GRID2: variants seen among roughly 807,000 people sequenced by gnomAD.
The protein encoded by GRID2 is glutamate receptor ionotropic, delta-2.
In GRID2, 33 loss-of-function variants were observed where a neutral mutation model predicts 114.8. The observed-to-expected ratio is 0.29, with a 90% CI of 0.22 to 0.38. The LOEUF is 0.38. Ranked by LOEUF, GRID2 falls within the 10% of genes least tolerant of loss-of-function variation. The pLI is 1.00. For synonymous variants in GRID2, 505 were observed against 449.9 expected, an observed-to-expected ratio of 1.12 and a Z score of -1.55; for missense variants, 1,184 against 1,257.7, an observed-to-expected ratio of 0.94 and a Z score of 0.89.
intron 1 of GRID2, among the ~76,000 whole-genome samples, chr4:92,557,662 A>T (rs979334528): frequency 9.2e-6 from 1 of 109,154 alleles, no homozygotes; most frequent in Non-Finnish European, 2.1e-5. Context: ...TATATATATA[A>T]CCAAACTGTC....
intron 8 of GRID2, among the ~76,000 whole-genome samples, chr4:93,300,435 A>T (rs780731635): frequency 1.3e-5 from 2 of 152,172 alleles, no homozygotes. Context: ...CTTTCATACT[A>T]GCAGTGTTAA....
chr4:92,542,688 C>G (rs1267602934), intron 1 of GRID2, among the ~76,000 whole-genome samples: 1 of 151,502 alleles, frequency 6.6e-6, no homozygotes, highest in Non-Finnish European at 1.5e-5. Context: ...GGTACACTGC[C>G]CAGGTGATGG....
At chr4:92,609,923 A>T (rs968258716) in intron 2 of GRID2, among the ~76,000 whole-genome samples, 6 of 151,750 alleles carry the variant, frequency 4.0e-5, no homozygotes, top group African/African-American at 1.4e-4. Flanking sequence ...TCTCTTTACT[A>T]TTGAAAATGT....
At chr4:92,314,324 A>G (rs1025252512) in intron 1 of GRID2, among the ~76,000 whole-genome samples, 4 of 152,154 alleles carry the variant, frequency 2.6e-5, no homozygotes, top group African/African-American at 7.2e-5. Flanking sequence ...TAATGTACTA[A>G]TTCCAGGAAC....
At chr4:92,775,151 T>A (rs1162091740) in intron 2 of GRID2, among the ~76,000 whole-genome samples, 1 of 152,120 alleles carries the variant, frequency 6.6e-6, no homozygotes, top group African/African-American at 2.4e-5. Context: ...AGTGTTACCT[T>A]CATTTTCTTC....
intron 13 of GRID2, among the ~76,000 whole-genome samples, chr4:93,591,835 T>C (rs1392177581): frequency 2.6e-5 from 4 of 152,222 alleles, no homozygotes; most frequent in Non-Finnish European, 4.4e-5. Flanking sequence ...TTTTTTAGTT[T>C]ATTTGCGTAG....
In GRID2 at chr4:92,588,678, C is replaced by CAAAAAAAA. The variant is rs1209254541; in HGVS notation, c.89-1435_89-1428dup. Among the ~76,000 whole-genome samples the CAAAAAAAA allele has an allele frequency of 2.1e-3, 145 of 70,286 alleles. 2 individuals are homozygous for CAAAAAAAA. The highest frequency in any genetic ancestry group is 0.01 in the Middle Eastern group (1 of 100). 46.1% of individuals were successfully genotyped at this position (70,286 alleles called of 152,430 possible). A position where few individuals can be genotyped will look rare whatever the true frequency, so the allele number is the denominator to read the frequency against. ...TGGGCAACAGAGTGAGACTCCGTCT[C>CAAAAAAAA]AAAAAAAAAAAAAAAAAAAAAAAAA... On this transcript the variant is annotated intron_variant, in intron 1 of 15. Transcript: ENST00000282020.
chr4:92,698,442 A>G (rs1296849954), intron 2 of GRID2, among the ~76,000 whole-genome samples: 3 of 152,098 alleles, frequency 2.0e-5, no homozygotes, highest in Non-Finnish European at 2.9e-5. Context: ...GTCACTATTA[A>G]TAACCCACTA....
At chr4:92,935,155 T>C (rs1044920506) in intron 2 of GRID2, among the ~76,000 whole-genome samples, 1 of 146,214 alleles carries the variant, frequency 6.8e-6, no homozygotes, top group African/African-American at 2.4e-5. Context: ...AAAGGGCTAA[T>C]ATCCAGAATC....
chr4:92,321,161 A>G (rs906898225), intron 1 of GRID2, among the ~76,000 whole-genome samples: 8 of 152,220 alleles, frequency 5.3e-5, no homozygotes, highest in African/African-American at 1.7e-4. Flanking sequence ...TGCTCCAAGG[A>G]TGGCAGAAGT....
intron 13 of GRID2, among the ~76,000 whole-genome samples, chr4:93,606,861 G>A (rs1003041166): frequency 6.6e-6 from 1 of 152,078 alleles, no homozygotes; most frequent in African/African-American, 2.4e-5. Context: ...TACTGTATAT[G>A]TTAATGATGG....
intron 1 of GRID2, among the ~76,000 whole-genome samples, chr4:92,465,441 C>T (rs1721704385): frequency 6.6e-6 from 1 of 151,926 alleles, no homozygotes; most frequent in Non-Finnish European, 1.5e-5. Flanking sequence ...CACCGGATTG[C>T]TTAATTTGCT....
chr4:92,797,361 A>G (rs373116108), intron 2 of GRID2, among the ~76,000 whole-genome samples: 14 of 152,018 alleles, frequency 9.2e-5, no homozygotes, highest in African/African-American at 3.1e-4. Context: ...ACTTGAGCTC[A>G]TTGCAATAGC....
intron 14 of GRID2, among the ~76,000 whole-genome samples, chr4:93,747,061 G>A (rs1731903951): frequency 6.6e-6 from 1 of 151,910 alleles, no homozygotes; most frequent in Non-Finnish European, 1.5e-5. Context: ...AAAAATCTGT[G>A]CCATGACAGT....
chr4:92,824,380 T>C (rs1741537904), intron 2 of GRID2, among the ~76,000 whole-genome samples: 1 of 152,166 alleles, frequency 6.6e-6, no homozygotes, highest in Non-Finnish European at 1.5e-5. Context: ...TGTTTGTTTG[T>C]TTCTAGCAGT....
At chr4:92,578,339 A>T (rs570891503) in intron 1 of GRID2, among the ~76,000 whole-genome samples, 46 of 130,466 alleles carry the variant, frequency 3.5e-4, no homozygotes, top group Admixed American at 7.3e-4. Context: ...TCATTGTTCA[A>T]TTCCCACCTA....
chr4:93,223,454 G>A (rs892612580), intron 6 of GRID2, among the ~76,000 whole-genome samples: 6 of 152,262 alleles, frequency 3.9e-5, no homozygotes, highest in African/African-American at 1.4e-4. Flanking sequence ...GCTGTGCATT[G>A]CATCAGACTC....
intron 9 of GRID2, among the ~76,000 whole-genome samples, chr4:93,413,546 GC>G (rs201809601): frequency 0.068 from 10,322 of 152,030 alleles, 845 homozygotes; most frequent in African/African-American, 0.19. Flanking sequence ...TCACATGCTT[GC>G]TGATAAATGT....
chr4:92,596,636 A>C (rs1047298375), intron 2 of GRID2, among the ~76,000 whole-genome samples: 2 of 151,916 alleles, frequency 1.3e-5, no homozygotes, highest in Admixed American at 6.6e-5. Context: ...TCCATCATCA[A>C]TGTAGTATTA....
Sources: allele counts gnomAD v4.1 joint callset (sites outside exome capture counted in the v4.1 genomes callset), GRCh38; gene constraint gnomAD v4.1.1; transcripts MANE v1.5; gene names NCBI Gene and HGNC (gene_info 2026-07-23, HGNC 2026-07-21).